The following PCDHGB5 variants were observed in gnomAD, a reference collection of about 807,000 sequenced individuals.
PCDHGB5 encodes the protein protocadherin gamma subfamily B, 5.
Under a neutral mutation model 62.9 loss-of-function variants are expected in PCDHGB5, and 48 were observed. The ratio of observed to expected loss-of-function variants is 0.76; its 90% CI spans 0.61 to 0.97. The LOEUF (loss-of-function observed/expected upper bound fraction) is 0.97, where lower values mean the gene tolerates loss of function less well. PCDHGB5 is among the 50% of genes least tolerant of loss of function. The pLI is 0.00. For synonymous variants in PCDHGB5, 474 were observed against 511.2 expected, an observed-to-expected ratio of 0.93 and a Z score of 0.98; for missense variants, 1,118 against 1,198.6, an observed-to-expected ratio of 0.93 and a Z score of 0.99.
At chr5:141,508,295 G>C (rs989632251) in intron 3 of PCDHGB5, 5 of 152,202 alleles carry the variant, frequency 3.3e-5, no homozygotes, top group Non-Finnish European at 7.3e-5. Context: ...TGGGCCTTGG[G>C]GGGAGTGGGG....
intron 3 of PCDHGB5, 77 bp downstream of exon 3, chr5:141,505,558 C>T (rs945428797): frequency 3.7e-6 from 6 of 1,605,016 alleles, no homozygotes; most frequent in African/African-American, 1.3e-5. Context: ...ACCATGCCCA[C>T]GGACTGGATG....
intron 1 of PCDHGB5, chr5:141,414,898 G>T: frequency 6.2e-7 from 1 of 1,614,190 alleles, no homozygotes; most frequent in East Asian, 2.2e-5. Context: ...CCCCACAGAC[G>T]GTTCCACAGG....
At chr5:141,410,058 T>C in intron 1 of PCDHGB5, 1 of 1,613,016 alleles carries the variant, frequency 6.2e-7, no homozygotes, top group Non-Finnish European at 8.5e-7. Context: ...CTCTTCAGCC[T>C]GGGGCTGCGC....
intron 1 of PCDHGB5, chr5:141,422,988 C>T: frequency 6.2e-7 from 1 of 1,614,232 alleles, no homozygotes; most frequent in Non-Finnish European, 8.5e-7. Context: ...AACCTGGCTA[C>T]CTGGTGACCA....
intron 1 of PCDHGB5, chr5:141,433,013 AC>A: frequency 6.2e-7 from 1 of 1,614,018 alleles, no homozygotes; most frequent in Non-Finnish European, 8.5e-7. Flanking sequence ...TTTCCTGCAG[AC>A]CTATTCCCAC....
intron 2 of PCDHGB5, among the ~76,000 whole-genome samples, chr5:141,500,184 T>TTTTTTTTA (rs1554186429): frequency 7.8e-4 from 106 of 135,966 alleles, no homozygotes; most frequent in African/African-American, 2.4e-3. Context: ...TCATTTTTAT[T>TTTTTTTTA]TTTATTTATT....
At position 141,477,539 on chromosome 5, in the gene PCDHGB5, C is replaced by G; in HGVS notation, c.2398-17268C>G. 2 of 1,614,172 alleles carry G rather than the reference C, an allele frequency of 1.2e-6. No individual in the cohort carries two copies. The highest frequency in any genetic ancestry group is 1.7e-6 in the Non-Finnish European group (2 of 1,180,030). On this transcript the variant is annotated intron_variant, in intron 1 of 3. Transcript: ENST00000617380. The surrounding 1 kb of genome is among the most constrained non-coding windows in gnomAD (Gnocchi z 4.9). ...TGAAGAAAACAACCTCCCCGGGGCT[C>G]CAATACTAAACCTAAGTGTCTGGGA...
chr5:141,410,066 C>G, intron 1 of PCDHGB5: 1 of 1,612,912 alleles, frequency 6.2e-7, no homozygotes, highest in Non-Finnish European at 8.5e-7. Context: ...CCTGGGGCTG[C>G]GCACTGGGGA....
In PCDHGB5 at chr5:141,512,739, T is replaced by C. The variant is rs1251649814; in HGVS notation, c.*1566T>C. The stretch of plus-strand genomic sequence containing the variant: ...GGCGGGTGGGCAGCGGGCGGCGGGC[T>C]CCGCGCAGCCGTCTGTCCTTGATCT... On this transcript the variant is annotated 3_prime_UTR_variant, in exon 4 of 4. Transcript: ENST00000617380. 1 of 152,822 alleles carries C rather than the reference T, an allele frequency of 6.5e-6. No individual in the cohort carries two copies. The highest frequency in any genetic ancestry group is 2.4e-5 in the African/African-American group (1 of 41,464). 9.5% of individuals were successfully genotyped at this position (152,822 alleles called of 1,614,324 possible).
chr5:141,470,915 C>A (rs2099244061), intron 1 of PCDHGB5, among the ~76,000 whole-genome samples: 1 of 152,010 alleles, frequency 6.6e-6, no homozygotes, highest in Non-Finnish European at 1.5e-5. Flanking sequence ...GGGACTGTCC[C>A]TATGTTGCTC....
intron 1 of PCDHGB5, among the ~76,000 whole-genome samples, chr5:141,433,404 T>TATCTATCA (rs757435896): frequency 6.8e-6 from 1 of 146,200 alleles, no homozygotes; most frequent in Non-Finnish European, 1.5e-5. Flanking sequence ...TCTATCTATC[T>TATCTATCA]ATTACTTTCT....
chr5:141,475,705 A>G (rs2099367264), intron 1 of PCDHGB5, among the ~76,000 whole-genome samples: 1 of 152,246 alleles, frequency 6.6e-6, no homozygotes. Flanking sequence ...CAGAACGGCT[A>G]GCCTCACAGC....
chr5:141,432,934 G>T lies in PCDHGB5; in HGVS notation c.2397+32410G>T, dbSNP rs377666802. 1.2e-6 allele frequency: 2 copies of T among 1,614,078 alleles called. No individual in the cohort carries two copies. The highest frequency in any genetic ancestry group is 1.3e-5 in the African/African-American group (1 of 74,940). On this transcript the variant is annotated intron_variant, in intron 1 of 3. Coordinates refer to ENST00000617380, the MANE Select transcript of PCDHGB5 (RefSeq NM_018925.3). This position sits in a 1 kb window ranked among gnomAD's most constrained non-coding sequence, Gnocchi z 6.0. ...GGCGCTGGCACAAGTCACGCCTGCT[G>T]CAGGCTTCAGGAGGCGGCTTGACAG...
chr5:141,474,962 A>G (rs954703806), intron 1 of PCDHGB5, among the ~76,000 whole-genome samples: 3 of 152,256 alleles, frequency 2.0e-5, no homozygotes, highest in Non-Finnish European at 4.4e-5. Flanking sequence ...CACTATCCTA[A>G]TCATTATAAT....
At position 141,437,148 on chromosome 5, in the gene PCDHGB5, A is replaced by T. The variant is rs1196014608; in HGVS notation, c.2397+36624A>T. ...GTTGATAATTTAGGATTCATAATTA[A>T]CATATGTGTTGATTGTTTTCTGAGA... is the stretch of plus-strand genomic sequence containing the variant. On this transcript the variant is annotated intron_variant, in intron 1 of 3. Coordinates refer to ENST00000617380, the MANE Select transcript of PCDHGB5 (RefSeq NM_018925.3). Among the ~76,000 whole-genome samples the T allele has an allele frequency of 2.0e-5, 3 of 152,214 alleles. No individual in the cohort carries two copies. In the East Asian group the frequency reaches 5.8e-4, roughly 29 times the overall value.
At chr5:141,438,996 A>G (rs2098080427) in intron 1 of PCDHGB5, among the ~76,000 whole-genome samples, 1 of 151,634 alleles carries the variant, frequency 6.6e-6, no homozygotes, top group African/African-American at 2.4e-5. Flanking sequence ...AAGGCTAAGG[A>G]CCTGGTTTGT....
At chr5:141,406,072 C>CTT (rs530474569) in intron 1 of PCDHGB5, among the ~76,000 whole-genome samples, 28 of 141,510 alleles carry the variant, frequency 2.0e-4, no homozygotes, top group East Asian at 4.1e-4. Context: ...ATTCTTACTC[C>CTT]TTTTTTTTTT....
At chr5:141,508,792 C>T (rs1198342551) in intron 3 of PCDHGB5, among the ~76,000 whole-genome samples, 3 of 152,130 alleles carry the variant, frequency 2.0e-5, no homozygotes, top group Admixed American at 6.5e-5. Flanking sequence ...CTAAATCACT[C>T]TGGAATCCTG....
At position 141,512,047 on chromosome 5, in the gene PCDHGB5, C is replaced by T. The variant is rs1183612907; in HGVS notation, c.*874C>T. 1 of 152,722 alleles carries T rather than the reference C, an allele frequency of 6.5e-6. No individual in the cohort carries two copies. The highest frequency in any genetic ancestry group is 1.5e-5 in the Non-Finnish European group (1 of 68,120). The allele number at this position is 152,722 out of a possible 1,614,324, so 9.5% of individuals were successfully genotyped here. A position where few individuals can be genotyped will look rare whatever the true frequency, so the allele number is the denominator to read the frequency against. On this transcript the variant is annotated 3_prime_UTR_variant, in exon 4 of 4. Coordinates refer to ENST00000617380, the MANE Select transcript of PCDHGB5 (RefSeq NM_018925.3). The stretch of plus-strand genomic sequence containing the variant: ...CCTTGGAGGAGGCTCTGTATGTCCT[C>T]AGGGGACTGACAACATCCTCCAGAT...
Sources: allele counts gnomAD v4.1 joint callset (sites outside exome capture counted in the v4.1 genomes callset), GRCh38; gene constraint gnomAD v4.1.1; non-coding constraint Gnocchi (gnomAD v3.1); transcripts MANE v1.5; gene names NCBI Gene and HGNC (gene_info 2026-07-23, HGNC 2026-07-21).